TRIO: variants seen among roughly 807,000 people sequenced by gnomAD.
TRIO encodes triple functional domain protein.
TRIO carries 58 observed loss-of-function variants against 351.9 expected under a neutral mutation model. The observed-to-expected ratio is 0.16, with a 90% CI of 0.13 to 0.21. TRIO has a LOEUF of 0.21. Among genes scored for constraint, TRIO ranks in the 10% least tolerant of loss-of-function variants. The pLI is 1.00. For missense variants in TRIO, 3,201 were observed against 4,027.8 expected (o/e 0.79, Z 5.56); for synonymous variants, 1,758 against 1,595.7 (o/e 1.10, Z -2.42).
At chr5:14,374,811 A>G (rs1745414510) in intron 19 of TRIO, among the ~76,000 whole-genome samples, 2 of 152,106 alleles carry the variant, frequency 1.3e-5, no homozygotes, top group Non-Finnish European at 2.9e-5. Flanking sequence ...TATATAGGTT[A>G]TATCATTTGA....
intron 33 of TRIO, among the ~76,000 whole-genome samples, chr5:14,418,247 G>T (rs752672297): frequency 3.3e-5 from 5 of 152,070 alleles, no homozygotes; most frequent in Middle Eastern, 3.2e-3. Context: ...TCTGGCCACT[G>T]GGGGGGACCT....
chr5:14,377,865 T>C, intron 19 of TRIO, 147 bp from the exon 20 acceptor site: 1 of 625,832 alleles, frequency 1.6e-6, no homozygotes, highest in South Asian at 1.8e-5. Context: ...ACATGCTCAC[T>C]GAGACAGGAA....
At chr5:14,234,960 T>G (rs900157175) in intron 1 of TRIO, among the ~76,000 whole-genome samples, 3 of 152,202 alleles carry the variant, frequency 2.0e-5, no homozygotes, top group African/African-American at 7.2e-5. Flanking sequence ...AAATGTTATT[T>G]TATTTAAAAA....
At chr5:14,441,043 G>T (rs1487044731) in intron 34 of TRIO, 1 of 152,154 alleles carries the variant, frequency 6.6e-6, no homozygotes, top group African/African-American at 2.4e-5. Flanking sequence ...GGAGAGGCGC[G>T]CGCTGGGCCG....
rs561942336 is a variant in TRIO at position 14,438,600 on chromosome 5, C to T, written c.5203+18579C>T. Among the ~76,000 whole-genome samples the T allele has an allele frequency of 2.0e-5, 3 of 152,332 alleles. No individual in the cohort carries two copies. The South Asian group carries it at 6.2e-4, about 32-fold the overall frequency. ...CTGTTGAGGTCACTAACCCCTGTGT[C>T]GTCTTCTCCTGAACCGAGTCTGTTC... On this transcript the variant is annotated intron_variant, in intron 34 of 56. Transcript: ENST00000344204.
chr5:14,501,132 A>G lies in TRIO; in HGVS notation c.8333-1447A>G, dbSNP rs148006680. The stretch of plus-strand genomic sequence containing the variant: ...TAAAAAAAGAAGAAAAAATATTTTT[A>G]TGTAAATAATAGTCCAATATTTCTT... On this transcript the variant is annotated intron_variant, in intron 53 of 56. Coordinates refer to ENST00000344204, the MANE Select transcript of TRIO (RefSeq NM_007118.4). Among the ~76,000 whole-genome samples the G allele has an allele frequency of 1.6e-4, 24 of 152,092 alleles. No homozygotes were observed. The East Asian group carries it at 2.9e-3, about 18-fold the overall frequency.
intron 1 of TRIO, among the ~76,000 whole-genome samples, chr5:14,218,243 A>C (rs974211432): frequency 6.6e-6 from 1 of 152,210 alleles, no homozygotes; most frequent in African/African-American, 2.4e-5. Flanking sequence ...TGTTAGGATG[A>C]ATTAGTGAAG....
In TRIO at chr5:14,489,151, G is replaced by C. The variant is rs564933558; in HGVS notation, c.7632+891G>C. 3 of 645,680 alleles carry C rather than the reference G, an allele frequency of 4.6e-6. No homozygotes were observed. In the East Asian group the frequency reaches 7.9e-5, roughly 17 times the overall value. The allele number at this position is 645,680 out of a possible 1,614,324, so 40.0% of individuals were successfully genotyped here. A position where few individuals can be genotyped will look rare whatever the true frequency, so the allele number is the denominator to read the frequency against. On this transcript the variant is annotated intron_variant, in intron 48 of 56. Coordinates refer to ENST00000344204, the MANE Select transcript of TRIO (RefSeq NM_007118.4). ...AATACATTTCTCTAAAAGGGTCTGTGTCTCTCTTTATATTAAAAAAAAAAT... is the reference window on the plus strand; with the variant it reads ...AATACATTTCTCTAAAAGGGTCTGTCTCTCTCTTTATATTAAAAAAAAAAT...
chr5:14,273,506 C>T (rs528955913), intron 2 of TRIO, among the ~76,000 whole-genome samples: 2 of 152,314 alleles, frequency 1.3e-5, no homozygotes, highest in South Asian at 4.1e-4. Context: ...TGGATCACCT[C>T]CAAAATTCAG....
At chr5:14,500,882 C>A (rs1757237898) in intron 53 of TRIO, among the ~76,000 whole-genome samples, 2 of 115,724 alleles carry the variant, frequency 1.7e-5, no homozygotes, top group East Asian at 4.6e-4. Flanking sequence ...GAGCAAGACT[C>A]TGCCTCAAAA....
chr5:14,355,867 A>G (rs1199397041), intron 11 of TRIO, among the ~76,000 whole-genome samples: 1 of 152,198 alleles, frequency 6.6e-6, no homozygotes, highest in Non-Finnish European at 1.5e-5. Context: ...ATTCTTTCTG[A>G]TACCAGCTTT....
At chr5:14,502,322 A>G (rs1399067620) in intron 53 of TRIO, among the ~76,000 whole-genome samples, 2 of 152,252 alleles carry the variant, frequency 1.3e-5, no homozygotes, top group Non-Finnish European at 2.9e-5. Context: ...TTAATGAAAT[A>G]CATCCAAAGT....
rs367915898 is a variant in TRIO, at chr5:14,464,680, G to A, written c.5668-865G>A. 7.9e-5 allele frequency among the ~76,000 whole-genome samples: 12 copies of A among 152,292 alleles called. No individual in the cohort carries two copies. The South Asian group carries it at 2.5e-3, about 32-fold the overall frequency. Reference sequence around the variant, plus strand: ...CACGTGTAAAAGCCTTGTTGTGAGTGTATGAGCCTGTATCTGTCTGCTGTG... The same window carrying A: ...CACGTGTAAAAGCCTTGTTGTGAGTATATGAGCCTGTATCTGTCTGCTGTG... On this transcript the variant is annotated intron_variant, in intron 36 of 56. Transcript: ENST00000344204.
At position 14,297,266 on chromosome 5, in the gene TRIO, C is replaced by A; in HGVS notation, c.1368+3C>A. 6.2e-7 allele frequency: 1 copy of A among 1,612,820 alleles called. No individual in the cohort carries two copies. Among genetic ancestry groups the A allele is most frequent in the South Asian group, 1.1e-5 (1 of 90,860 alleles). On this transcript the variant is annotated splice_donor_region_variant and intron_variant, in intron 7 of 56. Coordinates refer to ENST00000344204, the MANE Select transcript of TRIO (RefSeq NM_007118.4). ...TTTTCCACCAGAAGGCCGAAAAGGT[C>A]AGTGCCTTGAACCCCCAGCCCACGA...
At chr5:14,495,603 TA>T (rs1319169685) in intron 49 of TRIO, among the ~76,000 whole-genome samples, 1 of 120,618 alleles carries the variant, frequency 8.3e-6, no homozygotes, top group Admixed American at 1.1e-4. Flanking sequence ...GGGTGGATCA[TA>T]AGGTCAGAGT....
chr5:14,261,085 GC>G (rs1269763587), intron 1 of TRIO, among the ~76,000 whole-genome samples: 1 of 152,186 alleles, frequency 6.6e-6, no homozygotes, highest in African/African-American at 2.4e-5. Flanking sequence ...GAGTTTTAGG[GC>G]CGGCAGGAGG....
At chr5:14,499,790 A>G (rs1757146939) in intron 53 of TRIO, among the ~76,000 whole-genome samples, 1 of 151,996 alleles carries the variant, frequency 6.6e-6, no homozygotes, top group Non-Finnish European at 1.5e-5. Context: ...AGTGGCTCAC[A>G]CCTGTAATCC....
intron 37 of TRIO, among the ~76,000 whole-genome samples, chr5:14,469,521 A>G (rs1376449004): frequency 2.0e-5 from 3 of 152,252 alleles, no homozygotes; most frequent in Non-Finnish European, 4.4e-5. Context: ...AGGACACAAA[A>G]AACAACCAAA....
chr5:14,396,918 T>C (rs1381511055), intron 28 of TRIO, 125 bp from the exon 29 acceptor site: 4 of 723,808 alleles, frequency 5.5e-6, no homozygotes, highest in African/African-American at 1.8e-5. Context: ...TGAGAACATA[T>C]GCCCAGTTGA....
Sources: gnomAD v4.1 joint callset for allele counts (sites outside exome capture counted in the v4.1 genomes callset) on GRCh38, gnomAD v4.1.1 for gene constraint, MANE v1.5 for transcripts, NCBI Gene and HGNC (gene_info 2026-07-23, HGNC 2026-07-21) for gene names.